The following FAM186A variants were observed in gnomAD, a reference collection of about 807,000 sequenced individuals.
The protein encoded by FAM186A is protein FAM186A.
In FAM186A, 163 loss-of-function variants were observed where a neutral mutation model predicts 216.8. The observed-to-expected ratio is 0.75, with a 90% CI of 0.66 to 0.86. The LOEUF is 0.86. FAM186A is among the 40% of genes least tolerant of loss of function. FAM186A has a pLI of 0.00. For missense variants in FAM186A, 2,184 were observed against 2,746.2 expected (o/e 0.80, Z 4.58); for synonymous variants, 805 against 1,025.3 (o/e 0.79, Z 4.10).
At chr12:50,365,921 T>A (rs1322798146) in intron 1 of FAM186A, 2 of 763,124 alleles carry the variant, frequency 2.6e-6, no homozygotes, top group African/African-American at 1.7e-5. Context: ...GGAAAAAGGC[T>A]AATGGCACAA....
chr12:50,384,386 C>T (rs905918539), intron 1 of FAM186A, among the ~76,000 whole-genome samples: 2 of 152,150 alleles, frequency 1.3e-5, no homozygotes, highest in Admixed American at 6.6e-5. Flanking sequence ...TATTGCACCA[C>T]TGCACTATAG....
At position 50,366,029 on chromosome 12, in the gene FAM186A, C is replaced by T. The variant is rs181412435; in HGVS notation, c.193-2665G>A. 5.5e-5 allele frequency: 42 copies of T among 758,212 alleles called. No homozygotes were observed. In the East Asian group the frequency reaches 1.0e-3, roughly 18 times the overall value. 47.0% of individuals were successfully genotyped at this position (758,212 alleles called of 1,614,324 possible). On this transcript the variant is annotated intron_variant, in intron 1 of 7. Coordinates refer to ENST00000327337, the MANE Select transcript of FAM186A (RefSeq NM_001145475.3). ...TCCTTGAACAGAAAGCCAAATCTCGCCAAGTAGGAAAGGAAAAGAGCAAAT... is the reference window on the plus strand; with the variant it reads ...TCCTTGAACAGAAAGCCAAATCTCGTCAAGTAGGAAAGGAAAAGAGCAAAT...
At chr12:50,375,990 C>T (rs2136103250) in intron 1 of FAM186A, among the ~76,000 whole-genome samples, 1 of 152,222 alleles carries the variant, frequency 6.6e-6, no homozygotes, top group Middle Eastern at 3.4e-3. Flanking sequence ...GGTCTGGCCA[C>T]TGTGCACCCC....
At chr12:50,375,974 G>C (rs1430287503) in intron 1 of FAM186A, among the ~76,000 whole-genome samples, 1 of 152,104 alleles carries the variant, frequency 6.6e-6, no homozygotes, top group Admixed American at 6.6e-5. Context: ...GAGCAAGCAA[G>C]TGCAGGGTCT....
At chr12:50,365,693 T>A (rs1943080685) in intron 1 of FAM186A, 1 of 735,758 alleles carries the variant, frequency 1.4e-6, no homozygotes, top group African/African-American at 1.7e-5. Context: ...GAAGCAAGAA[T>A]CACAAAAGGC....
chr12:50,342,021 A>G (rs1942767278), intron 4 of FAM186A, among the ~76,000 whole-genome samples: 1 of 152,206 alleles, frequency 6.6e-6, no homozygotes, highest in Admixed American at 6.6e-5. Context: ...GATTATACCA[A>G]AACTTCACAA....
chr12:50,391,323 A>G (rs1234864381), intron 1 of FAM186A, among the ~76,000 whole-genome samples: 1 of 144,722 alleles, frequency 6.9e-6, no homozygotes, highest in African/African-American at 2.6e-5. Flanking sequence ...TTTATTTTTT[A>G]TATATATTTT....
Position 50,352,808 on chromosome 12 carries a change from G to C in FAM186A, c.4024C>G (p.Gln1342Glu), listed in dbSNP as rs967024668. Residue 1342 changes from glutamine to glutamate, a missense_variant, in exon 4 of 8, where the codon CAG becomes GAG. This residue lies in a region of FAM186A where 267 missense variants were observed against 446.2 expected (regional missense o/e 0.60). Coordinates refer to ENST00000327337, the MANE Select transcript of FAM186A (RefSeq NM_001145475.3). ...GGCATCCCCAAGGCCTGGGCCTGCT[G>C]AGGGGTGAGAGTGATCTCCTGAGTC... ...AQTQEITLTP[Q>E]QAQALGMPLT... is the part of the protein sequence containing the mutation. 2.6e-6 allele frequency: 4 copies of C among 1,548,772 alleles called. No individual in the cohort carries two copies. In the African/African-American group the frequency reaches 5.5e-5, roughly 21 times the overall value.
At chr12:50,388,578 C>G (rs945449952) in intron 1 of FAM186A, among the ~76,000 whole-genome samples, 2 of 149,556 alleles carry the variant, frequency 1.3e-5, no homozygotes, top group African/African-American at 2.5e-5. Context: ...GAGAATGCAC[C>G]ATTGCACTCC....
chr12:50,388,213 G>A (rs946974469), intron 1 of FAM186A, among the ~76,000 whole-genome samples: 5 of 152,140 alleles, frequency 3.3e-5, no homozygotes, highest in Admixed American at 6.6e-5. Context: ...GTCCCATCCT[G>A]AAGCTAGCTG....
chr12:50,360,671 C>G (rs569167018), intron 3 of FAM186A, 85 bp downstream of exon 3: 1 of 1,183,786 alleles, frequency 8.4e-7, no homozygotes, highest in East Asian at 2.7e-5. Context: ...GGTGATAGAG[C>G]GAGACTGAAA....
chr12:50,367,681 A>G (rs1428378394), intron 1 of FAM186A, among the ~76,000 whole-genome samples: 1 of 71,986 alleles, frequency 1.4e-5, no homozygotes, highest in African/African-American at 5.1e-5. Flanking sequence ...CTCTGTGTGC[A>G]TGTGCGTGCA....
At chr12:50,369,948 C>T (rs1179740380) in intron 1 of FAM186A, among the ~76,000 whole-genome samples, 1 of 151,606 alleles carries the variant, frequency 6.6e-6, no homozygotes, top group Non-Finnish European at 1.5e-5. Flanking sequence ...CACAGTGAAA[C>T]CCCGTCTCTA....
At chr12:50,361,053 T>A (rs1468206813) in intron 2 of FAM186A, 127 bp from the exon 3 acceptor site, 1 of 615,526 alleles carries the variant, frequency 1.6e-6, no homozygotes, top group African/African-American at 1.9e-5. Context: ...TCACACTTAC[T>A]GCCATTCTGA....
At chr12:50,373,302 C>T (rs982154357) in intron 1 of FAM186A, among the ~76,000 whole-genome samples, 2 of 152,056 alleles carry the variant, frequency 1.3e-5, no homozygotes, top group Admixed American at 1.3e-4. Context: ...TAGGCTGAGG[C>T]AGGAGAACTG....
chr12:50,335,272 A>T (rs1942696400), intron 4 of FAM186A, among the ~76,000 whole-genome samples: 1 of 152,162 alleles, frequency 6.6e-6, no homozygotes. Context: ...AAATTAGTTA[A>T]ATGTGGCTAT....
intron 1 of FAM186A, among the ~76,000 whole-genome samples, chr12:50,377,515 G>A (rs900273720): frequency 4.6e-5 from 7 of 152,076 alleles, no homozygotes; most frequent in African/African-American, 1.7e-4. Flanking sequence ...TCTTTGATAT[G>A]ATAACGAAGG....
chr12:50,381,016 G>A (rs1025106331), intron 1 of FAM186A, among the ~76,000 whole-genome samples: 4 of 152,210 alleles, frequency 2.6e-5, no homozygotes, highest in African/African-American at 4.8e-5. Context: ...GCTGTGGCTG[G>A]ACCAGGCATA....
At chr12:50,376,610 G>A (rs1315741916) in intron 1 of FAM186A, among the ~76,000 whole-genome samples, 1 of 152,150 alleles carries the variant, frequency 6.6e-6, no homozygotes, top group East Asian at 1.9e-4. Flanking sequence ...ACTGGTCCAT[G>A]AGCAGCCATG....
Sources: gnomAD v4.1 joint callset for allele counts (sites outside exome capture counted in the v4.1 genomes callset) on GRCh38, gnomAD v4.1.1 for gene constraint, gnomAD v4.1.1 regional missense constraint, MANE v1.5 for transcripts, NCBI Gene and HGNC (gene_info 2026-07-23, HGNC 2026-07-21) for gene names.